PNKP: variants seen among roughly 807,000 people sequenced by gnomAD.
PNKP encodes bifunctional polynucleotide phosphatase/kinase.
PNKP carries 82 observed loss-of-function variants against 66.2 expected under a neutral mutation model. The observed-to-expected ratio is 1.24, with a 90% CI of 1.04 to 1.49. The LOEUF (loss-of-function observed/expected upper bound fraction) is 1.49, where lower values mean the gene tolerates loss of function less well. Among genes scored for constraint, PNKP ranks in the 40% most tolerant of loss-of-function variants. The pLI, the probability that PNKP is intolerant of heterozygous loss-of-function variation, is 0.00. For synonymous variants in PNKP, 412 were observed against 298.9 expected (o/e 1.38, Z -3.90); for missense variants, 907 against 706.8 (o/e 1.28, Z -3.21).
intron 15 of PNKP, 48 bp from the exon 16 acceptor site, chr19:49,861,558 G>C: frequency 6.4e-7 from 1 of 1,562,554 alleles, no homozygotes; most frequent in Non-Finnish European, 8.7e-7. Flanking sequence ...CAGGGGAGGA[G>C]GGGGGTCAGG....
At chr19:49,866,934 G>C in intron 2 of PNKP, 120 bp downstream of exon 2, 2 of 932,484 alleles carry the variant, frequency 2.1e-6, no homozygotes, top group Non-Finnish European at 3.6e-6. Flanking sequence ...TCCCTAGAGA[G>C]CACCTTCCGA....
At chr19:49,862,666 C>T (rs1241203159) in intron 9 of PNKP, 24 bp downstream of exon 9, 3 of 1,614,030 alleles carry the variant, frequency 1.9e-6, no homozygotes, top group African/African-American at 1.3e-5. Context: ...CCCAGCCCAC[C>T]CTCAGCAGCC....
At position 49,862,481 on chromosome 19, in the gene PNKP, A is replaced by C; in HGVS notation, c.937-18T>G. 1 of 1,594,952 alleles carries C rather than the reference A, an allele frequency of 6.3e-7. No homozygotes were observed. Among genetic ancestry groups the C allele is most frequent in the East Asian group, 2.3e-5 (1 of 43,998 alleles). Reference sequence around the variant, plus strand: ...AGGGCAAACTAGGGGTTGAGGACGAACATCAGACACAGGCCAGGGTCGGGC... The same window carrying C: ...AGGGCAAACTAGGGGTTGAGGACGACCATCAGACACAGGCCAGGGTCGGGC... On this transcript the variant is annotated intron_variant, in intron 10 of 16. Transcript: ENST00000322344.
intron 8 of PNKP, 96 bp downstream of exon 8, chr19:49,863,591 CAG>C: frequency 2.4e-6 from 2 of 833,620 alleles, no homozygotes; most frequent in Non-Finnish European, 4.0e-6. Flanking sequence ...CGAGAGAGGA[CAG>C]AGGAGTAAGG....
At chr19:49,862,319 C>T in intron 11 of PNKP, 38 bp from the exon 12 acceptor site, 1 of 1,543,236 alleles carries the variant, frequency 6.5e-7, no homozygotes, top group Non-Finnish European at 8.8e-7. Flanking sequence ...ATGCCGTCCC[C>T]ATCCCCGGGA....
At chr19:49,863,068 C>T (rs1281680630) in intron 8 of PNKP, among the ~76,000 whole-genome samples, 3 of 152,220 alleles carry the variant, frequency 2.0e-5, no homozygotes, top group Non-Finnish European at 4.4e-5. Flanking sequence ...AAAGCGGGGC[C>T]CTCCCTGTGG....
intron 3 of PNKP, among the ~76,000 whole-genome samples, chr19:49,865,796 T>G (rs2074815537): frequency 6.7e-6 from 1 of 148,184 alleles, no homozygotes; most frequent in Non-Finnish European, 1.5e-5. Context: ...GTATTTTTAG[T>G]AGAGATGGGG....
At position 49,861,522 on chromosome 19, in the gene PNKP, A is replaced by G. The variant is rs1446884587; in HGVS notation, c.1387-12T>C. 1.9e-6 allele frequency: 3 copies of G among 1,597,966 alleles called. No homozygotes were observed. Among genetic ancestry groups the G allele is most frequent in the African/African-American group, 2.7e-5 (2 of 73,410 alleles). ...GTCATCTCTCGAAACTGTGGGGAAC[A>G]TCAGAGGGGCGGCAGGCCCAGGGGT... On this transcript the variant is annotated splice_polypyrimidine_tract_variant and intron_variant, in intron 15 of 16. Transcript: ENST00000322344.
rs79622873 is a variant in PNKP at position 49,864,894 on chromosome 19, C to A, written c.498+233G>T. Among the ~76,000 whole-genome samples, 1,109 of 152,316 alleles carry A rather than the reference C, an allele frequency of 7.3e-3. 11 individuals carry two copies. Among genetic ancestry groups the A allele is most frequent in the African/African-American group, 0.026 (1,065 of 41,548 alleles). On this transcript the variant is annotated intron_variant, in intron 4 of 16. Coordinates refer to ENST00000322344, the MANE Select transcript of PNKP (RefSeq NM_007254.4). ...ATAAAAAATCCTCATCGTAATAGCTCCTACTGAGACAGTCATGGTCATTGC... is the reference window on the plus strand; with the variant it reads ...ATAAAAAATCCTCATCGTAATAGCTACTACTGAGACAGTCATGGTCATTGC...
intron 3 of PNKP, chr19:49,865,663 G>C (rs1177887941): frequency 1.8e-6 from 1 of 541,058 alleles, no homozygotes; most frequent in Non-Finnish European, 3.3e-6. Flanking sequence ...GCCCAGGCTG[G>C]AGTGCAGTGG....
intron 7 of PNKP, 97 bp downstream of exon 7, chr19:49,863,867 C>T: frequency 1.5e-6 from 2 of 1,368,868 alleles, no homozygotes; most frequent in Non-Finnish European, 2.0e-6. Context: ...CAGCATCACA[C>T]TGCCTGAGGC....
chr19:49,866,513 T>A (rs1024370617), intron 2 of PNKP, 68 bp from the exon 3 acceptor site: 2 of 1,461,012 alleles, frequency 1.4e-6, no homozygotes, highest in African/African-American at 2.8e-5. Flanking sequence ...TTCTGGGGAG[T>A]GTGGCCTGCT....
At chr19:49,864,515 A>C in intron 4 of PNKP, 112 bp from the exon 5 acceptor site, 6 of 824,706 alleles carry the variant, frequency 7.3e-6, no homozygotes, top group Admixed American at 1.7e-5. Flanking sequence ...CTGCCATCTC[A>C]CAGATGGGGA....
rs1330643363 is a variant in PNKP, at chr19:49,866,636, A to G, written c.152-191T>C. On this transcript the variant is annotated intron_variant, in intron 2 of 16. Coordinates refer to ENST00000322344, the MANE Select transcript of PNKP (RefSeq NM_007254.4). Reference sequence around the variant, plus strand: ...GGATTGCCTGACACTGGTCCTTGCAAGGGACAGGGAGGTACTTTTCTCTAC... The same window carrying G: ...GGATTGCCTGACACTGGTCCTTGCAGGGGACAGGGAGGTACTTTTCTCTAC... 7.3e-6 allele frequency: 5 copies of G among 689,328 alleles called. No homozygotes were observed. In the African/African-American group the frequency reaches 8.8e-5, roughly 12 times the overall value. 42.7% of individuals were successfully genotyped at this position (689,328 alleles called of 1,614,324 possible). A position where few individuals can be genotyped will look rare whatever the true frequency, so the allele number is the denominator to read the frequency against.
chr19:49,862,578 G>A lies in PNKP; in HGVS notation c.896C>T (p.Pro299Leu), dbSNP rs2074784919. Residue 299 changes from proline to leucine, a missense_variant, in exon 10 of 17, where the codon CCG (proline) becomes CTG (leucine). By Grantham distance (98) the Pro-to-Leu change is moderately conservative. Coordinates refer to ENST00000322344, the MANE Select transcript of PNKP (RefSeq NM_007254.4). ...DAAGRPANWA[P>L]GRKKKDFSCA... ...GGAGAAGTCTTTCTTCTTCCGCCCC[G>A]GGGCCCAGTTGGCCGGGCGTCCGGC... The A allele has an allele frequency of 1.9e-6, 3 of 1,613,160 alleles. No individual in the cohort carries two copies. The highest frequency in any genetic ancestry group is 2.2e-5 in the East Asian group (1 of 44,822).
Position 49,863,671 on chromosome 19 carries a change from G to C in PNKP, c.816+18C>G. The C allele has an allele frequency of 6.5e-7, 1 of 1,545,466 alleles. No individual in the cohort carries two copies. The highest frequency in any genetic ancestry group is 8.8e-7 in the Non-Finnish European group (1 of 1,141,494). On this transcript the variant is annotated intron_variant, in intron 8 of 16. Coordinates refer to ENST00000322344, the MANE Select transcript of PNKP (RefSeq NM_007254.4). ...GAGTGAGGAAAAGGAGGGGGGCCGGGCAGGCTGCAAGACTCACCTGCTCCT... is the reference window on the plus strand; with the variant it reads ...GAGTGAGGAAAAGGAGGGGGGCCGGCCAGGCTGCAAGACTCACCTGCTCCT...
intron 8 of PNKP, among the ~76,000 whole-genome samples, chr19:49,863,432 G>A (rs1396090317): frequency 6.6e-6 from 1 of 152,242 alleles, no homozygotes; most frequent in Non-Finnish European, 1.5e-5. Flanking sequence ...TTCAGCTCAA[G>A]AATGCGCTAA....
At chr19:49,866,600 T>G (rs557607051) in intron 2 of PNKP, 155 bp from the exon 3 acceptor site, 2 of 743,868 alleles carry the variant, frequency 2.7e-6, no homozygotes, top group East Asian at 2.6e-5. Context: ...AGTAGCCAGA[T>G]AGTGGCACTA....
intron 3 of PNKP, 46 bp from the exon 4 acceptor site, chr19:49,865,472 G>A (rs967725602): frequency 1.4e-6 from 2 of 1,432,878 alleles, no homozygotes; most frequent in Non-Finnish European, 1.9e-6. Context: ...GCCCCCACCG[G>A]GAGCTTCCTC....
Sources: allele counts gnomAD v4.1 joint callset (sites outside exome capture counted in the v4.1 genomes callset), GRCh38; gene constraint gnomAD v4.1.1; transcripts MANE v1.5; gene names NCBI Gene and HGNC (gene_info 2026-07-23, HGNC 2026-07-21).